The following C17orf75 variants were observed in gnomAD, a reference collection of about 807,000 sequenced individuals.
C17orf75 encodes protein Njmu-R1.
A neutral mutation model predicts 49.6 loss-of-function variants in C17orf75; 32 were observed. The observed-to-expected ratio is 0.65, with a 90% CI of 0.49 to 0.87. C17orf75 has a LOEUF of 0.87. Ranked by LOEUF, C17orf75 falls within the 40% of genes least tolerant of loss-of-function variation. The pLI, the probability that C17orf75 is intolerant of heterozygous loss-of-function variation, is 0.00. For synonymous variants in C17orf75, 158 were observed against 159.5 expected, an observed-to-expected ratio of 0.99 and a Z score of 0.07; for missense variants, 428 against 473.9, an observed-to-expected ratio of 0.90 and a Z score of 0.90.
intron 5 of C17orf75, among the ~76,000 whole-genome samples, chr17:32,336,911 C>T (rs572425544): frequency 9.3e-4 from 141 of 151,674 alleles, no homozygotes; most frequent in Middle Eastern, 3.4e-3. Flanking sequence ...TTTGGGAGGC[C>T]GAGGCAGGTG....
At chr17:32,341,769 G>T in intron 1 of C17orf75, 1 of 1,026,904 alleles carries the variant, frequency 9.7e-7, no homozygotes, top group Non-Finnish European at 1.2e-6. Flanking sequence ...AGGGGCAGAT[G>T]AAGGGCACAG....
Position 32,341,184 on chromosome 17 carries a change from T to C in C17orf75, c.221+20A>G, listed in dbSNP as rs945236354. On this transcript the variant is annotated intron_variant, in intron 2 of 9. Coordinates refer to ENST00000577809, the MANE Select transcript of C17orf75 (RefSeq NM_022344.4). ...GGAAGATGAAAGCACATGCATGAAT[T>C]ATGCTGAAGCTCTTTTTACCTGAAA... 1 of 1,612,592 alleles carries C rather than the reference T, an allele frequency of 6.2e-7. No individual in the cohort carries two copies. Among genetic ancestry groups the C allele is most frequent in the Non-Finnish European group, 8.5e-7 (1 of 1,178,736 alleles).
intron 5 of C17orf75, 127 bp from the exon 6 acceptor site, chr17:32,335,569 C>A: frequency 8.6e-7 from 1 of 1,163,660 alleles, no homozygotes; most frequent in Non-Finnish European, 1.2e-6. Context: ...AAAGCTAACA[C>A]CACCAATTCA....
chr17:32,345,252 C>T (rs894334132), upstream of C17orf75, among the ~76,000 whole-genome samples: 5 of 151,694 alleles, frequency 3.3e-5, no homozygotes, highest in East Asian at 1.9e-4. Context: ...CTGAGGCAGG[C>T]GGATCACAAG....
In C17orf75 at chr17:32,335,316, T is replaced by C. The variant is rs758333104; in HGVS notation, c.669+7A>G. The C allele has an allele frequency of 2.5e-6, 4 of 1,613,454 alleles. No homozygotes were observed. The highest frequency in any genetic ancestry group is 3.4e-6 in the Non-Finnish European group (4 of 1,179,676). On this transcript the variant is annotated splice_region_variant and intron_variant, in intron 6 of 9. Transcript: ENST00000577809. ...TTAAGGAAATGCTCTCATTTGGCAG[T>C]ACTTACAGCATGTAGCAGAAAGGTA...
At chr17:32,343,988 T>A, upstream of C17orf75, 2 of 682,496 alleles carry the variant, frequency 2.9e-6, no homozygotes, top group Non-Finnish European at 5.4e-6. Context: ...ATACAAATTG[T>A]GAAATATCGT....
intron 9 of C17orf75, 77 bp from the exon 10 acceptor site, chr17:32,332,055 G>T: frequency 1.7e-6 from 2 of 1,193,546 alleles, no homozygotes; most frequent in Non-Finnish European, 2.4e-6. Flanking sequence ...CTATCCAGCT[G>T]AGAACTCAAC....
upstream of C17orf75, among the ~76,000 whole-genome samples, chr17:32,345,387 A>G (rs1359583837): frequency 6.6e-6 from 1 of 151,960 alleles, no homozygotes; most frequent in Non-Finnish European, 1.5e-5. Flanking sequence ...GAGGCAGAAG[A>G]ATCACTTGAA....
chr17:32,348,166 C>A (rs561619630), intron 1 of C17orf75, among the ~76,000 whole-genome samples: 14 of 151,912 alleles, frequency 9.2e-5, no homozygotes, highest in African/African-American at 3.4e-4. Flanking sequence ...TACAGGCGTG[C>A]CCCACCACGC....
chr17:32,333,853 C>G (rs1446795373), intron 8 of C17orf75, among the ~76,000 whole-genome samples: 1 of 152,182 alleles, frequency 6.6e-6, no homozygotes, highest in African/African-American at 2.4e-5. Flanking sequence ...CACCACATGG[C>G]TAAGGAATAC....
chr17:32,333,297 T>G, intron 9 of C17orf75, 120 bp downstream of exon 9: 5 of 711,290 alleles, frequency 7.0e-6, no homozygotes, highest in Non-Finnish European at 9.6e-6. Context: ...ATTCCAGTTT[T>G]GAGAACATCC....
chr17:32,334,649 C>A (rs746689187), intron 7 of C17orf75, 44 bp from the exon 8 acceptor site: 4 of 1,601,706 alleles, frequency 2.5e-6, no homozygotes, highest in Non-Finnish European at 3.4e-6. Context: ...TATTGCAGGA[C>A]GGAAGGATGA....
At position 32,339,799 on chromosome 17, in the gene C17orf75, C is replaced by A; in HGVS notation, c.347+14G>T. ...AGAAATAAAAACTCAGGACACAGCA[C>A]ATTTTGCACTTACTTTAGCTCCACA... On this transcript the variant is annotated intron_variant, in intron 3 of 9. Coordinates refer to ENST00000577809, the MANE Select transcript of C17orf75 (RefSeq NM_022344.4). The A allele has an allele frequency of 6.2e-7, 1 of 1,613,202 alleles. No homozygotes were observed. Among genetic ancestry groups the A allele is most frequent in the African/African-American group, 1.3e-5 (1 of 75,008 alleles).
chr17:32,340,637 T>A (rs535066573), intron 2 of C17orf75, among the ~76,000 whole-genome samples: 81 of 146,868 alleles, frequency 5.5e-4, no homozygotes, highest in Middle Eastern at 3.7e-3. Flanking sequence ...AGAGGGAGAC[T>A]CTGTCTCAAA....
intron 3 of C17orf75, 130 bp from the exon 4 acceptor site, chr17:32,338,481 C>G (rs1249397003): frequency 3.5e-6 from 3 of 859,312 alleles, no homozygotes; most frequent in Non-Finnish European, 5.1e-6. Context: ...TCAGAGCTTC[C>G]CAGACTTCTC....
chr17:32,348,867 C>CTTTTTTTTTTTTTTTTT lies in C17orf75; in HGVS notation c.-7+1074_-7+1075insAAAAAAAAAAAAAAAAA, dbSNP rs561014138. ...CAGCACCTTCACTGACAGCTCCAGTCTTTTTTTTTTTTTTTTGAGACGGAG... is the reference window on the plus strand; with the variant it reads ...CAGCACCTTCACTGACAGCTCCAGTCTTTTTTTTTTTTTTTTTTTTTTTTTTTTTTTTTGAGACGGAG... On this transcript the variant is annotated intron_variant, in intron 1 of 8. Coordinates refer to the C17orf75 transcript ENST00000583774. Among the ~76,000 whole-genome samples, 12 of 108,848 alleles carry CTTTTTTTTTTTTTTTTT rather than the reference C, an allele frequency of 1.1e-4. 1 individual carries two copies. Among genetic ancestry groups the CTTTTTTTTTTTTTTTTT allele is most frequent in the Non-Finnish European group, 1.8e-4 (10 of 56,482 alleles). The allele number at this position is 108,848 out of a possible 152,430, so 71.4% of individuals were successfully genotyped here.
chr17:32,341,941 G>C (rs2041384583), intron 1 of C17orf75, 59 bp downstream of exon 1: 2 of 1,231,452 alleles, frequency 1.6e-6, no homozygotes, highest in Non-Finnish European at 2.0e-6. Context: ...GCCGGGCGGC[G>C]GGCCGGGGGC....
intron 3 of C17orf75, 50 bp downstream of exon 3, chr17:32,339,763 A>G (rs773102744): frequency 1.9e-6 from 3 of 1,601,092 alleles, no homozygotes; most frequent in African/African-American, 1.3e-5. Flanking sequence ...ATCACTTCTC[A>G]TATTTAGTTC....
In C17orf75 at chr17:32,329,731, T is replaced by G. The variant is rs930350199; in HGVS notation, c.*2032A>C. On this transcript the variant is annotated 3_prime_UTR_variant, in exon 10 of 10. Transcript: ENST00000577809. ...TTTTTTCAGACTTAAAACGTTGATG[T>G]GCTAATGTAGCTTACTTTAAAAAAT... 2.6e-5 allele frequency: 4 copies of G among 152,236 alleles called. No homozygotes were observed. Among genetic ancestry groups the G allele is most frequent in the Admixed American group, 6.5e-5 (1 of 15,280 alleles). 9.4% of individuals were successfully genotyped at this position (152,236 alleles called of 1,614,324 possible). A position where few individuals can be genotyped will look rare whatever the true frequency, so the allele number is the denominator to read the frequency against.
Sources: gnomAD v4.1 joint callset for allele counts (sites outside exome capture counted in the v4.1 genomes callset) on GRCh38, gnomAD v4.1.1 for gene constraint, MANE v1.5 for transcripts, NCBI Gene and HGNC (gene_info 2026-07-23, HGNC 2026-07-21) for gene names.